Variants in ANKRD6 observed in about 807,000 individuals in gnomAD.
ANKRD6 encodes the protein ankyrin repeat domain 6.
Under a neutral mutation model 82.3 loss-of-function variants are expected in ANKRD6, and 56 were observed. The observed-to-expected ratio is 0.68, with a 90% CI of 0.55 to 0.85. ANKRD6 has a LOEUF of 0.85. ANKRD6 is among the 40% of genes least tolerant of loss of function. ANKRD6 has a pLI of 0.00. For synonymous variants in ANKRD6, 347 were observed against 352.1 expected (o/e 0.99, Z 0.16); for missense variants, 852 against 907.6 (o/e 0.94, Z 0.79).
chr6:89,510,712 A>G (rs1354022835), intron 1 of ANKRD6, among the ~76,000 whole-genome samples: 1 of 152,122 alleles, frequency 6.6e-6, no homozygotes, highest in African/African-American at 2.4e-5. Context: ...CCCCGGCCCT[A>G]GTCTACAAGT....
chr6:89,520,558 T>G lies in ANKRD6; in HGVS notation c.-143-46276T>G, dbSNP rs560314459. On this transcript the variant is annotated intron_variant, in intron 1 of 15. Transcript: ENST00000339746. Reference sequence around the variant, plus strand: ...ACTGTTTCCTGGATTATTAATGGCTTTGGCTGAGCCAGGTGGGATGTGGTG... The same window carrying G: ...ACTGTTTCCTGGATTATTAATGGCTGTGGCTGAGCCAGGTGGGATGTGGTG... 2.0e-3 allele frequency among the ~76,000 whole-genome samples: 299 copies of G among 152,346 alleles called. 1 individual carries two copies. Among genetic ancestry groups the G allele is most frequent in the African/African-American group, 6.9e-3 (286 of 41,578 alleles).
Position 89,624,628 on chromosome 6 carries a change from G to T in ANKRD6, c.1308G>T (p.Leu436=). Residue 436 remains leucine (L), a synonymous_variant, in exon 13 of 16, where the codon CTG becomes CTT. Coordinates refer to ENST00000339746, the MANE Select transcript of ANKRD6 (RefSeq NM_001242809.2). Reference sequence around the variant, plus strand: ...CTGTGGAGGAGATAAAAGCAGAGCTGGGATCGGTTCAGGACAAAATGAATA... The same window carrying T: ...CTGTGGAGGAGATAAAAGCAGAGCTTGGATCGGTTCAGGACAAAATGAATA... ...EATVEEIKAE[L]GSVQDKMNTK... The T allele has an allele frequency of 6.3e-7, 1 of 1,585,158 alleles. No homozygotes were observed. The highest frequency in any genetic ancestry group is 8.6e-7 in the Non-Finnish European group (1 of 1,165,224).
intron 1 of ANKRD6, among the ~76,000 whole-genome samples, chr6:89,488,657 CT>C (rs1777643902): frequency 6.6e-6 from 1 of 152,168 alleles, no homozygotes; most frequent in African/African-American, 2.4e-5. Context: ...GTCCAAGGTA[CT>C]TTGGATAATT....
At position 89,546,474 on chromosome 6, in the gene ANKRD6, T is replaced by C. The variant is rs570172777; in HGVS notation, c.-143-20360T>C. Among the ~76,000 whole-genome samples, 25 of 143,220 alleles carry C rather than the reference T, an allele frequency of 1.7e-4. No individual in the cohort carries two copies. The South Asian group carries it at 4.6e-3, about 26-fold the overall frequency. The allele number at this position is 143,220 out of a possible 152,430, so 94.0% of individuals were successfully genotyped here. A position where few individuals can be genotyped will look rare whatever the true frequency, so the allele number is the denominator to read the frequency against. ...GATGATTGATTGATCGATTGATCGA[T>C]TGATTTTGAGATGGAGTCTCACTCT... On this transcript the variant is annotated intron_variant, in intron 1 of 15. Coordinates refer to ENST00000339746, the MANE Select transcript of ANKRD6 (RefSeq NM_001242809.2).
chr6:89,444,783 C>G (rs1771850823), intron 1 of ANKRD6, among the ~76,000 whole-genome samples: 1 of 152,122 alleles, frequency 6.6e-6, no homozygotes, highest in South Asian at 2.1e-4. Flanking sequence ...GCCTGGCCAA[C>G]ACAGTGAAAA....
intron 1 of ANKRD6, among the ~76,000 whole-genome samples, chr6:89,454,377 A>G (rs556362379): frequency 5.3e-5 from 8 of 152,118 alleles, no homozygotes; most frequent in South Asian, 2.1e-4. Flanking sequence ...TCTTCCTTCA[A>G]TTTATTCATT....
intron 1 of ANKRD6, among the ~76,000 whole-genome samples, chr6:89,556,212 T>C (rs750949011): frequency 2.0e-5 from 3 of 152,176 alleles, no homozygotes; most frequent in Non-Finnish European, 2.9e-5. Flanking sequence ...AAGGGCTAGG[T>C]TCTCATTATC....
intron 1 of ANKRD6, among the ~76,000 whole-genome samples, chr6:89,520,004 T>A (rs1297390930): frequency 1.3e-5 from 2 of 152,224 alleles, no homozygotes; most frequent in Non-Finnish European, 1.5e-5. Flanking sequence ...CTTTTCTTTT[T>A]TGAGATAGGA....
intron 1 of ANKRD6, among the ~76,000 whole-genome samples, chr6:89,557,422 T>C (rs549375284): frequency 6.6e-6 from 1 of 152,064 alleles, no homozygotes; most frequent in East Asian, 1.9e-4. Context: ...GTCCAAGGGA[T>C]GGTTAGGAGA....
intron 1 of ANKRD6, among the ~76,000 whole-genome samples, chr6:89,440,128 A>T (rs902591592): frequency 6.6e-6 from 1 of 152,258 alleles, no homozygotes; most frequent in African/African-American, 2.4e-5. Flanking sequence ...TAGGTTAACA[A>T]GAGAAAAACA....
At chr6:89,437,792 CATTTT>C (rs930502214) in intron 1 of ANKRD6, among the ~76,000 whole-genome samples, 1 of 152,088 alleles carries the variant, frequency 6.6e-6, no homozygotes, top group Non-Finnish European at 1.5e-5. Context: ...AGACTGGTTT[CATTTT>C]ATTTTATTTT....
chr6:89,614,347 A>AT (rs1554263048), intron 7 of ANKRD6, among the ~76,000 whole-genome samples: 1 of 152,140 alleles, frequency 6.6e-6, no homozygotes, highest in Admixed American at 6.5e-5. Context: ...TCTACAAAAA[A>AT]TTTTTTTAAA....
chr6:89,492,529 A>G (rs759498267), intron 1 of ANKRD6, among the ~76,000 whole-genome samples: 1 of 152,150 alleles, frequency 6.6e-6, no homozygotes, highest in Admixed American at 6.5e-5. Flanking sequence ...GAAGACAACC[A>G]CGCACACCCC....
At chr6:89,445,366 G>T (rs923189978) in intron 1 of ANKRD6, among the ~76,000 whole-genome samples, 2 of 148,980 alleles carry the variant, frequency 1.3e-5, no homozygotes, top group African/African-American at 5.0e-5. Context: ...CACCTCCCAG[G>T]TTCAAGTGAT....
chr6:89,588,677 T>G (rs897699997), intron 2 of ANKRD6, among the ~76,000 whole-genome samples: 1 of 152,166 alleles, frequency 6.6e-6, no homozygotes, highest in African/African-American at 2.4e-5. Flanking sequence ...TTCCTTTGGC[T>G]TCTGCCCCAG....
chr6:89,561,890 C>T (rs1367437241), intron 1 of ANKRD6, among the ~76,000 whole-genome samples: 1 of 152,156 alleles, frequency 6.6e-6, no homozygotes, highest in African/African-American at 2.4e-5. Context: ...CAAATGATGA[C>T]CAAAGCAGGA....
intron 1 of ANKRD6, among the ~76,000 whole-genome samples, chr6:89,499,633 G>A (rs921201901): frequency 4.6e-5 from 7 of 152,110 alleles, no homozygotes; most frequent in African/African-American, 1.7e-4. Flanking sequence ...GTGAGACAGT[G>A]CCGTACCACA....
chr6:89,525,851 C>G (rs1288340593), intron 1 of ANKRD6, among the ~76,000 whole-genome samples: 4 of 152,206 alleles, frequency 2.6e-5, no homozygotes. Flanking sequence ...GTAAGCTGGT[C>G]AAAACTGGCT....
chr6:89,508,957 A>C (rs900274694), intron 1 of ANKRD6: 6 of 152,412 alleles, frequency 3.9e-5, no homozygotes, highest in African/African-American at 1.4e-4. Context: ...GGGAAGATGC[A>C]GGTGAGGAGG....
Sources: allele counts gnomAD v4.1 joint callset (sites outside exome capture counted in the v4.1 genomes callset), GRCh38; gene constraint gnomAD v4.1.1; transcripts MANE v1.5; gene names NCBI Gene and HGNC (gene_info 2026-07-23, HGNC 2026-07-21).